ZNF721: variants seen among roughly 807,000 people sequenced by gnomAD.
The protein encoded by ZNF721 is zinc finger protein 721.
ZNF721 carries 2 observed loss-of-function variants against 2.4 expected under a neutral mutation model. The observed-to-expected ratio is 0.82, with a 90% confidence interval of 0.34 to 2.58. The LOEUF is 2.58. Ranked by LOEUF, ZNF721 falls within the 30% of genes most tolerant of loss-of-function variation. The probability of loss-of-function intolerance (pLI) is 0.11; values close to 1 mark genes in which losing one functional copy is unlikely to be tolerated. For missense variants in ZNF721, 1,187 were observed against 1,085.5 expected, an observed-to-expected ratio of 1.09 and a Z score of -1.31; for synonymous variants, 398 against 381.8, an observed-to-expected ratio of 1.04 and a Z score of -0.50.
intron 2 of ZNF721, among the ~76,000 whole-genome samples, chr4:451,477 T>C (rs1207859354): frequency 1.3e-5 from 2 of 152,118 alleles, no homozygotes; most frequent in Non-Finnish European, 2.9e-5. Context: ...CGAAGCTTCA[T>C]GAGACCCCTC....
intron 1 of ZNF721, among the ~76,000 whole-genome samples, chr4:487,179 G>A (rs1300757913): frequency 6.6e-5 from 10 of 152,092 alleles, no homozygotes; most frequent in Admixed American, 2.6e-4. Context: ...TTTTATAGTC[G>A]TTCCTATCAA....
At chr4:464,553 A>C (rs1553866494) in intron 2 of ZNF721, among the ~76,000 whole-genome samples, 2 of 152,062 alleles carry the variant, frequency 1.3e-5, no homozygotes, top group African/African-American at 4.8e-5. Flanking sequence ...ATATAGCTTC[A>C]ATAATCTGTT....
At chr4:446,609 G>T (rs1483469837) in intron 2 of ZNF721, among the ~76,000 whole-genome samples, 2 of 152,046 alleles carry the variant, frequency 1.3e-5, no homozygotes, top group African/African-American at 4.8e-5. Flanking sequence ...TCGAACTCCT[G>T]ACCTCGTTAT....
At chr4:495,656 A>G (rs752846340) in intron 1 of ZNF721, among the ~76,000 whole-genome samples, 18 of 151,754 alleles carry the variant, frequency 1.2e-4, no homozygotes, top group Non-Finnish European at 2.2e-4. Flanking sequence ...GCTGGCGTGC[A>G]GTGACGTGTG....
At chr4:477,625 T>C (rs144126803) in intron 1 of ZNF721, among the ~76,000 whole-genome samples, 27 of 152,018 alleles carry the variant, frequency 1.8e-4, no homozygotes, top group East Asian at 1.5e-3. Flanking sequence ...CTCAACCTAT[T>C]GAGGAGGGAA....
At chr4:498,215 G>GAAAAAAAAAAAA (rs797042296) in intron 1 of ZNF721, among the ~76,000 whole-genome samples, 126 of 83,748 alleles carry the variant, frequency 1.5e-3, no homozygotes, top group Middle Eastern at 7.4e-3. Flanking sequence ...AAAAGAAAAA[G>GAAAAAAAAAAAA]AAAAAAAAAA....
At chr4:492,160 C>T (rs1364108338) in intron 1 of ZNF721, among the ~76,000 whole-genome samples, 6 of 148,204 alleles carry the variant, frequency 4.0e-5, no homozygotes, top group Admixed American at 4.0e-4. Context: ...GAGATTCCGT[C>T]TCAAAAAAAA....
intron 2 of ZNF721, among the ~76,000 whole-genome samples, chr4:447,558 A>T (rs1231496872): frequency 6.6e-6 from 1 of 152,186 alleles, no homozygotes; most frequent in Non-Finnish European, 1.5e-5. Context: ...TCAGCAAATT[A>T]TTCAAATATT....
rs941723897 is a variant in ZNF721, at chr4:460,349, C to T, written c.34+12226G>A. On this transcript the variant is annotated intron_variant, in intron 2 of 2. Transcript: ENST00000511833. The stretch of plus-strand genomic sequence containing the variant: ...TCCTGAATGACTACTGGGTAAATAA[C>T]GAAATTAAGGTAGAAATAAATAAGT... 1.2e-4 allele frequency among the ~76,000 whole-genome samples: 19 copies of T among 152,054 alleles called. No homozygotes were observed. The East Asian group carries it at 2.3e-3, about 19-fold the overall frequency.
At chr4:467,868 G>A (rs1445900893) in intron 2 of ZNF721, among the ~76,000 whole-genome samples, 1 of 152,212 alleles carries the variant, frequency 6.6e-6, no homozygotes, top group African/African-American at 2.4e-5. Context: ...TGGGCGCGGT[G>A]GCTCACGCCT....
intron 2 of ZNF721, among the ~76,000 whole-genome samples, chr4:461,787 T>C (rs1553866133): frequency 6.6e-6 from 1 of 152,096 alleles, no homozygotes; most frequent in African/African-American, 2.4e-5. Context: ...GCAGGAGAAT[T>C]GCATGAACCC....
chr4:486,363 T>A (rs1294984371), intron 1 of ZNF721, among the ~76,000 whole-genome samples: 6 of 152,152 alleles, frequency 3.9e-5, no homozygotes, highest in Admixed American at 2.0e-4. Flanking sequence ...TTTCACCATG[T>A]TAGCCAGCAT....
intron 2 of ZNF721, among the ~76,000 whole-genome samples, chr4:459,587 T>A (rs534415272): frequency 6.6e-6 from 1 of 152,146 alleles, no homozygotes; most frequent in East Asian, 1.9e-4. Flanking sequence ...TCCCAGCACT[T>A]TGAGAGGCCG....
intron 1 of ZNF721, among the ~76,000 whole-genome samples, chr4:487,460 GAGCCCAGAAGAATGGCCCAGCTA>G (rs1553870670): frequency 6.6e-6 from 1 of 152,158 alleles, no homozygotes; most frequent in African/African-American, 2.4e-5. Flanking sequence ...GAGGCAAACT[GAGCCCAGAAGAATGGCCCAGCTA>G]AGCCCAGCCT....
intron 1 of ZNF721, among the ~76,000 whole-genome samples, chr4:475,752 C>T (rs1553868527): frequency 2.1e-5 from 3 of 145,980 alleles, no homozygotes. Flanking sequence ...CCCAATATAG[C>T]TTCAACTACC....
Position 485,853 on chromosome 4 carries a change from T to C in ZNF721, c.-93-13152A>G, listed in dbSNP as rs180775818. Among the ~76,000 whole-genome samples the C allele has an allele frequency of 7.9e-3, 1,200 of 152,278 alleles. 5 individuals are homozygous for C. The highest frequency in any genetic ancestry group is 0.012 in the Non-Finnish European group (822 of 68,024). On this transcript the variant is annotated intron_variant, in intron 1 of 2. Coordinates refer to ENST00000511833, the MANE Select transcript of ZNF721 (RefSeq NM_133474.4). Reference sequence around the variant, plus strand: ...ATCCAGGCGTGCTGGTGCGTGCCTATAGTCCCAGCTACTTGGGAGGCTGAG... The same window carrying C: ...ATCCAGGCGTGCTGGTGCGTGCCTACAGTCCCAGCTACTTGGGAGGCTGAG...
chr4:480,906 A>G (rs1182892793), intron 1 of ZNF721, among the ~76,000 whole-genome samples: 3 of 151,888 alleles, frequency 2.0e-5, no homozygotes, highest in African/African-American at 7.3e-5. Flanking sequence ...ATACCCAGAA[A>G]TGGAATTGCT....
Position 443,972 on chromosome 4 carries a change from G to T in ZNF721, c.495C>A (p.Tyr165Ter), listed in dbSNP as rs369127753. The change falls in exon 3 of 3, where the codon TAC becomes TAA. Residue 165 changes from tyrosine (Y) to a stop codon, truncating the protein, a stop_gained. Coordinates refer to ENST00000511833, the MANE Select transcript of ZNF721 (RefSeq NM_133474.4). LOFTEE classifies it low-confidence loss of function (END_TRUNC). ...AGGCTTTGCCACATTCTTCACATTT[G>T]TAAGGTTTCTCTCCAGTATGAATTT... is the stretch of plus-strand genomic sequence containing the variant. ...HKKIHTGEKPYKCEECGKAFN... is the reference protein window; with the variant it reads ...HKKIHTGEKP The T allele has an allele frequency of 2.5e-6, 4 of 1,613,998 alleles. No homozygotes were observed. In the African/African-American group the frequency reaches 5.3e-5, roughly 22 times the overall value.
chr4:468,956 C>A (rs1715343244), intron 2 of ZNF721, among the ~76,000 whole-genome samples: 1 of 151,766 alleles, frequency 6.6e-6, no homozygotes, highest in Non-Finnish European at 1.5e-5. Flanking sequence ...CTCCTGCCTG[C>A]AAAAGAAGAA....
Sources: gnomAD v4.1 joint callset for allele counts (sites outside exome capture counted in the v4.1 genomes callset) on GRCh38, gnomAD v4.1.1 for gene constraint, MANE v1.5 for transcripts, NCBI Gene and HGNC (gene_info 2026-07-23, HGNC 2026-07-21) for gene names.